Variants in PLXNA4 observed in about 807,000 individuals in gnomAD.
PLXNA4 encodes plexin A4.
In PLXNA4, 44 loss-of-function variants were observed where a neutral mutation model predicts 191.8. The ratio of observed to expected loss-of-function variants is 0.23; its 90% confidence interval spans 0.18 to 0.29. The LOEUF is 0.29. Among genes scored for constraint, PLXNA4 ranks in the 10% least tolerant of loss-of-function variants. The pLI is 1.00. For missense variants in PLXNA4, 1,800 were observed against 2,488.8 expected, an observed-to-expected ratio of 0.72 and a Z score of 5.89; for synonymous variants, 1,082 against 1,009.5, an observed-to-expected ratio of 1.07 and a Z score of -1.36.
At chr7:132,439,096 C>T (rs1191341118) in intron 3 of PLXNA4, among the ~76,000 whole-genome samples, 2 of 152,166 alleles carry the variant, frequency 1.3e-5, no homozygotes, top group Non-Finnish European at 2.9e-5. Context: ...TCACAAACTG[C>T]AGTTCTCTTT....
intron 1 of PLXNA4, among the ~76,000 whole-genome samples, chr7:132,560,094 G>C (rs1189574663): frequency 6.6e-6 from 1 of 152,160 alleles, no homozygotes. Context: ...CCCAGAATGT[G>C]GGATTAGACC....
chr7:132,318,545 C>A lies in PLXNA4; in HGVS notation c.1372-20323G>T, dbSNP rs546849499. 2.4e-4 allele frequency among the ~76,000 whole-genome samples: 36 copies of A among 152,024 alleles called. No homozygotes were observed. The South Asian group carries it at 7.3e-3, about 31-fold the overall frequency. On this transcript the variant is annotated intron_variant, in intron 3 of 31. Coordinates refer to ENST00000321063, the MANE Select transcript of PLXNA4 (RefSeq NM_020911.2). Reference sequence around the variant, plus strand: ...CAGGACTCTCCCTCCCCACCCCCTGCAGAATGAGCGTTTCCACAACTTGCA... The same window carrying A: ...CAGGACTCTCCCTCCCCACCCCCTGAAGAATGAGCGTTTCCACAACTTGCA...
intron 3 of PLXNA4, among the ~76,000 whole-genome samples, chr7:132,472,504 G>T (rs1441907040): frequency 6.6e-6 from 1 of 152,218 alleles, no homozygotes; most frequent in Non-Finnish European, 1.5e-5. Flanking sequence ...GAGGAAGAAG[G>T]AAGCCTCTCT....
intron 3 of PLXNA4, among the ~76,000 whole-genome samples, chr7:132,344,803 CCT>C (rs1803179065): frequency 6.6e-6 from 1 of 152,160 alleles, no homozygotes; most frequent in South Asian, 2.1e-4. Flanking sequence ...GAAGGTCTTG[CCT>C]CTCAGTGGAA....
chr7:132,521,507 T>C (rs914552071), intron 1 of PLXNA4, among the ~76,000 whole-genome samples: 13 of 152,156 alleles, frequency 8.5e-5, no homozygotes, highest in African/African-American at 1.9e-4. Flanking sequence ...GCCTTTCCCA[T>C]TGGGCACACA....
At chr7:132,533,320 T>G (rs1281321979) in intron 1 of PLXNA4, among the ~76,000 whole-genome samples, 1 of 152,048 alleles carries the variant, frequency 6.6e-6, no homozygotes, top group Non-Finnish European at 1.5e-5. Context: ...TGCTCTGAGG[T>G]CCCATCATAG....
intron 3 of PLXNA4, among the ~76,000 whole-genome samples, chr7:132,446,089 T>C (rs894995305): frequency 4.6e-5 from 7 of 152,090 alleles, no homozygotes; most frequent in Non-Finnish European, 7.4e-5. Flanking sequence ...GACAGCCAGG[T>C]GTGGTCTTGA....
intron 1 of PLXNA4, among the ~76,000 whole-genome samples, chr7:132,523,529 G>A (rs1221304210): frequency 1.3e-5 from 2 of 152,356 alleles, no homozygotes; most frequent in East Asian, 1.9e-4. Context: ...GTGATGGGGT[G>A]GGAGAGAAGA....
intron 3 of PLXNA4, among the ~76,000 whole-genome samples, chr7:132,475,674 TCA>T (rs1797096321): frequency 6.6e-6 from 1 of 152,118 alleles, no homozygotes; most frequent in Admixed American, 6.5e-5. Context: ...ATTATGGGAC[TCA>T]CACTTAGGCT....
intron 3 of PLXNA4, among the ~76,000 whole-genome samples, chr7:132,327,945 G>A (rs1458127247): frequency 2.6e-5 from 4 of 152,184 alleles, no homozygotes; most frequent in African/African-American, 9.7e-5. Flanking sequence ...GAGCCGCCCT[G>A]TGTGGGGACA....
At position 132,298,232 on chromosome 7, in the gene PLXNA4, A is replaced by C. The variant is rs760653184; in HGVS notation, c.1372-10T>G. ...GTCCATCCACCCGGATCTGTGGAGA[A>C]GAAGAGGAGAGCCAAAGTGAGTTCA... is the stretch of plus-strand genomic sequence containing the variant. On this transcript the variant is annotated splice_polypyrimidine_tract_variant and intron_variant, in intron 3 of 31. Transcript: ENST00000321063. The C allele has an allele frequency of 1.9e-6, 3 of 1,607,572 alleles. No individual in the cohort carries two copies. Among genetic ancestry groups the C allele is most frequent in the Admixed American group, 1.7e-5 (1 of 59,146 alleles).
In PLXNA4 at chr7:132,145,124, G is replaced by A. The variant is rs1795381779; in HGVS notation, c.5220C>T (p.Ser1740=). The change falls in exon 29 of 32, where the codon AGC becomes AGT. Residue 1740 remains serine (S), a synonymous_variant. Coordinates refer to ENST00000321063, the MANE Select transcript of PLXNA4 (RefSeq NM_020911.2). ...HDPHVRHTWK[S]NCLPLRFWVN... ...CCTGCCCTCCCTTCACTCACCAATT[G>A]CTCTTCCAGGTATGGCGGACGTGCG... 1 of 1,613,922 alleles carries A rather than the reference G, an allele frequency of 6.2e-7. No homozygotes were observed. The highest frequency in any genetic ancestry group is 1.3e-5 in the African/African-American group (1 of 74,888).
intron 25 of PLXNA4, among the ~76,000 whole-genome samples, chr7:132,152,074 T>C (rs1420241209): frequency 6.6e-6 from 1 of 152,174 alleles, no homozygotes. Flanking sequence ...GAAGATCAGA[T>C]AGTGGGCATG....
intron 3 of PLXNA4, among the ~76,000 whole-genome samples, chr7:132,440,483 T>C (rs1795656263): frequency 6.6e-6 from 1 of 152,158 alleles, no homozygotes; most frequent in Non-Finnish European, 1.5e-5. Context: ...GGATAGCAAT[T>C]TCATTGTCCA....
chr7:132,406,128 T>C (rs143875694), intron 3 of PLXNA4, among the ~76,000 whole-genome samples: 1 of 152,192 alleles, frequency 6.6e-6, no homozygotes, highest in Non-Finnish European at 1.5e-5. Context: ...AGGCTTACAC[T>C]GCAGGGTTAA....
At chr7:132,446,070 C>T (rs1795900893) in intron 3 of PLXNA4, among the ~76,000 whole-genome samples, 1 of 152,160 alleles carries the variant, frequency 6.6e-6, no homozygotes, top group Admixed American at 6.5e-5. Context: ...CAAGGCGGGG[C>T]AAGACTAAGA....
At chr7:132,540,526 T>C (rs1253079925) in intron 1 of PLXNA4, among the ~76,000 whole-genome samples, 3 of 149,584 alleles carry the variant, frequency 2.0e-5, no homozygotes, top group Non-Finnish European at 4.4e-5. Context: ...ATACAGGAAA[T>C]GGATGTTGGC....
At chr7:132,560,480 CTTCT>C (rs1210923391) in intron 1 of PLXNA4, among the ~76,000 whole-genome samples, 3 of 152,134 alleles carry the variant, frequency 2.0e-5, no homozygotes, top group Admixed American at 6.5e-5. Context: ...GATCTTCTTG[CTTCT>C]TTGTCAAGTT....
chr7:132,202,918 C>T, intron 11 of PLXNA4, 82 bp from the exon 12 acceptor site: 1 of 1,357,134 alleles, frequency 7.4e-7, no homozygotes, highest in Non-Finnish European at 9.8e-7. Context: ...ACAAAGAGTG[C>T]AGTGCCAGCC....
Sources: allele counts gnomAD v4.1 joint callset (sites outside exome capture counted in the v4.1 genomes callset), GRCh38; gene constraint gnomAD v4.1.1; transcripts MANE v1.5; gene names NCBI Gene and HGNC (gene_info 2026-07-23, HGNC 2026-07-21).